ARHGEF7: variants seen among roughly 807,000 people sequenced by gnomAD.
ARHGEF7 encodes the protein Rho guanine nucleotide exchange factor 7.
In ARHGEF7, 33 loss-of-function variants were observed where a neutral mutation model predicts 109.8. The observed-to-expected ratio is 0.30, with a 90% CI of 0.23 to 0.40. ARHGEF7 has a LOEUF of 0.40. Among genes scored for constraint, ARHGEF7 ranks in the 10% least tolerant of loss-of-function variants. The pLI, the probability that ARHGEF7 is intolerant of heterozygous loss-of-function variation, is 1.00. For missense variants in ARHGEF7, 938 were observed against 1,098.5 expected (o/e 0.85, Z 2.07); for synonymous variants, 458 against 424.6 (o/e 1.08, Z -0.97).
intron 2 of ARHGEF7, among the ~76,000 whole-genome samples, chr13:111,174,854 G>A (rs2077973924): frequency 6.6e-6 from 1 of 152,224 alleles, no homozygotes; most frequent in South Asian, 2.1e-4. Flanking sequence ...AGCTAGGCGT[G>A]CGAGGACTAG....
intron 8 of ARHGEF7, among the ~76,000 whole-genome samples, chr13:111,263,448 A>G (rs555459097): frequency 6.6e-6 from 1 of 152,248 alleles, no homozygotes; most frequent in African/African-American, 2.4e-5. Context: ...AAATCAGTTT[A>G]TCCAGATTTC....
At chr13:111,199,277 G>A (rs2080933151) in intron 2 of ARHGEF7, among the ~76,000 whole-genome samples, 2 of 152,220 alleles carry the variant, frequency 1.3e-5, no homozygotes, top group South Asian at 4.1e-4. Context: ...AGAGGCAGAG[G>A]AAGTTGGAAC....
chr13:111,241,793 C>T (rs945041830), intron 6 of ARHGEF7, among the ~76,000 whole-genome samples: 2 of 152,168 alleles, frequency 1.3e-5, no homozygotes, highest in African/African-American at 4.8e-5. Context: ...GTGCAGTGAG[C>T]AGTATTGGTA....
At chr13:111,122,219 G>T (rs1423527757) in intron 1 of ARHGEF7, among the ~76,000 whole-genome samples, 2 of 152,192 alleles carry the variant, frequency 1.3e-5, no homozygotes, top group East Asian at 3.9e-4. Context: ...CACAGCTGCT[G>T]GTTGGGGAGC....
chr13:111,300,597 G>C, intron 19 of ARHGEF7, 151 bp from the exon 20 acceptor site: 1 of 501,180 alleles, frequency 2.0e-6, no homozygotes, highest in Non-Finnish European at 3.5e-6. Context: ...ACTGGTAAAA[G>C]ATGCCCTCCT....
intron 4 of ARHGEF7, among the ~76,000 whole-genome samples, chr13:111,210,371 C>T (rs993240203): frequency 6.6e-6 from 1 of 152,154 alleles, no homozygotes; most frequent in African/African-American, 2.4e-5. Context: ...GTACTCAGCT[C>T]CGTAAAGAAG....
At chr13:111,212,962 A>T (rs2082675885) in intron 4 of ARHGEF7, among the ~76,000 whole-genome samples, 1 of 152,222 alleles carries the variant, frequency 6.6e-6, no homozygotes, top group Admixed American at 6.5e-5. Flanking sequence ...TTTACCCAAG[A>T]TCACAGCACT....
chr13:111,296,675 T>G (rs151000955), intron 19 of ARHGEF7, among the ~76,000 whole-genome samples: 1 of 152,164 alleles, frequency 6.6e-6, no homozygotes, highest in Non-Finnish European at 1.5e-5. Context: ...CACAAGATGT[T>G]AATAATGATA....
At chr13:111,282,724 A>G (rs927052194) in intron 15 of ARHGEF7, 1 of 217,166 alleles carries the variant, frequency 4.6e-6, no homozygotes, top group Non-Finnish European at 9.1e-6. Context: ...CAGGTGAAGA[A>G]TAATACGTGG....
intron 19 of ARHGEF7, chr13:111,295,059 G>T: frequency 3.0e-6 from 3 of 985,532 alleles, no homozygotes; most frequent in Non-Finnish European, 3.6e-6. Flanking sequence ...AACTCAATTG[G>T]ATGTATATCT....
chr13:111,218,042 T>C (rs564454886), intron 5 of ARHGEF7, among the ~76,000 whole-genome samples, 162 bp downstream of exon 5: 4 of 152,356 alleles, frequency 2.6e-5, no homozygotes, highest in Non-Finnish European at 4.4e-5. Context: ...CAGCCCCACA[T>C]TGGGGCCCTG....
At chr13:111,282,979 C>T in intron 15 of ARHGEF7, 160 bp from the exon 16 acceptor site, 2 of 1,066,546 alleles carry the variant, frequency 1.9e-6, no homozygotes, top group Non-Finnish European at 1.3e-6. Context: ...GCCCCAAAAA[C>T]TGACTGCTGA....
chr13:111,134,866 C>G (rs1297692776), intron 1 of ARHGEF7, among the ~76,000 whole-genome samples: 1 of 152,132 alleles, frequency 6.6e-6, no homozygotes, highest in African/African-American at 2.4e-5. Flanking sequence ...GAAGTCCTTG[C>G]CCATGCCTAT....
At position 111,175,249 on chromosome 13, in the gene ARHGEF7, G is replaced by C. The variant is rs115354947; in HGVS notation, c.252+21258G>C. 4.2e-3 allele frequency among the ~76,000 whole-genome samples: 646 copies of C among 152,318 alleles called. 2 individuals are homozygous for C. The highest frequency in any genetic ancestry group is 0.014 in the African/African-American group (580 of 41,560). ...GTCCCACACTGTCTTAGAAGCTCTA[G>C]AGTCAAGGCCCACACTTGTATGGTT... On this transcript the variant is annotated intron_variant, in intron 2 of 21. Transcript: ENST00000646102.
At chr13:111,115,745 C>T (rs375387622) in intron 1 of ARHGEF7, 54 bp downstream of exon 1, 2 of 1,051,130 alleles carry the variant, frequency 1.9e-6, no homozygotes, top group Non-Finnish European at 1.2e-6. Flanking sequence ...CCGCTGCGGC[C>T]CGGGATGCGC....
At chr13:111,169,686 T>A (rs902977762) in intron 2 of ARHGEF7, among the ~76,000 whole-genome samples, 1 of 152,216 alleles carries the variant, frequency 6.6e-6, no homozygotes, top group Non-Finnish European at 1.5e-5. Context: ...TGGAAGATTT[T>A]TTGGTGGAAT....
intron 1 of ARHGEF7, among the ~76,000 whole-genome samples, chr13:111,147,720 C>T (rs1272412669): frequency 7.4e-5 from 8 of 108,188 alleles, no homozygotes; most frequent in South Asian, 3.3e-4. Flanking sequence ...TTTTTTGAGA[C>T]GGAGTCTCGC....
intron 1 of ARHGEF7, chr13:111,143,963 G>C (rs1035520951): frequency 1.3e-5 from 2 of 152,216 alleles, no homozygotes; most frequent in Non-Finnish European, 2.9e-5. Context: ...TAAATATTTT[G>C]TTATCCATTT....
intron 1 of ARHGEF7, among the ~76,000 whole-genome samples, chr13:111,122,342 A>G (rs548076591): frequency 6.6e-6 from 1 of 152,364 alleles, no homozygotes; most frequent in South Asian, 2.1e-4. Flanking sequence ...TGGTGTCTGC[A>G]GAGAGAGGGC....
Sources: allele counts gnomAD v4.1 joint callset (sites outside exome capture counted in the v4.1 genomes callset), GRCh38; gene constraint gnomAD v4.1.1; transcripts MANE v1.5; gene names NCBI Gene and HGNC (gene_info 2026-07-23, HGNC 2026-07-21).